SNX29: variants seen among roughly 807,000 people sequenced by gnomAD.
The protein encoded by SNX29 is sorting nexin-29.
In SNX29, 78 loss-of-function variants were observed where a neutral mutation model predicts 102.1. The observed-to-expected ratio is 0.76, with a 90% CI of 0.64 to 0.92. The LOEUF is 0.92. Ranked by LOEUF, SNX29 falls within the 40% of genes least tolerant of loss-of-function variation. SNX29 has a pLI of 0.00. For missense variants in SNX29, 1,280 were observed against 1,061.7 expected (o/e 1.21, Z -2.86); for synonymous variants, 580 against 414.5 (o/e 1.40, Z -4.85).
At chr16:12,318,380 G>A (rs2080822286) in intron 15 of SNX29, among the ~76,000 whole-genome samples, 1 of 152,204 alleles carries the variant, frequency 6.6e-6, no homozygotes. Context: ...TCGTTTGCCG[G>A]ATGGGAACCA....
At chr16:11,984,002 T>A (rs1319391288) in intron 1 of SNX29, among the ~76,000 whole-genome samples, 1 of 152,190 alleles carries the variant, frequency 6.6e-6, no homozygotes, top group Non-Finnish European at 1.5e-5. Context: ...TATTACTTTT[T>A]CATGGAGGGG....
intron 14 of SNX29, among the ~76,000 whole-genome samples, chr16:12,234,381 A>G (rs886700052): frequency 7.2e-5 from 11 of 151,974 alleles, no homozygotes; most frequent in African/African-American, 2.7e-4. Context: ...GTCTTTTCAA[A>G]TCTTCTGTCC....
chr16:12,014,756 GA>G (rs1465290167), intron 3 of SNX29, among the ~76,000 whole-genome samples: 1 of 143,842 alleles, frequency 7.0e-6, no homozygotes, highest in Admixed American at 6.9e-5. Flanking sequence ...AAAAAGAAAA[GA>G]AAAAGAAAAT....
Position 12,043,087 on chromosome 16 carries a change from C to T in SNX29, c.428+10C>T, listed in dbSNP as rs373070737. 17 of 1,612,454 alleles carry T rather than the reference C, an allele frequency of 1.1e-5. No individual in the cohort carries two copies. The highest frequency in any genetic ancestry group is 5.3e-5 in the African/African-American group (4 of 74,884). On this transcript the variant is annotated intron_variant, in intron 5 of 20. Transcript: ENST00000566228. Reference sequence around the variant, plus strand: ...ACCGCTGCAGGCTGAGGTACGTGGCCGGGATGCGAACTGGGATGGGATGGA... The same window carrying T: ...ACCGCTGCAGGCTGAGGTACGTGGCTGGGATGCGAACTGGGATGGGATGGA...
intron 19 of SNX29, among the ~76,000 whole-genome samples, chr16:12,521,234 C>T (rs1316901765): frequency 6.6e-6 from 1 of 152,062 alleles, no homozygotes; most frequent in African/African-American, 2.4e-5. Context: ...CCAGAAATCA[C>T]CTGTACCCGC....
At chr16:12,043,530 A>T (rs1429163285) in intron 5 of SNX29, among the ~76,000 whole-genome samples, 1 of 151,730 alleles carries the variant, frequency 6.6e-6, no homozygotes, top group East Asian at 1.9e-4. Context: ...AATTTAAAAA[A>T]TTTTTTTGTA....
chr16:12,567,721 G>A (rs12928426), intron 20 of SNX29, among the ~76,000 whole-genome samples: 41,998 of 151,996 alleles, frequency 0.28, 6,182 homozygotes, highest in East Asian at 0.43. Context: ...ATCATTACAC[G>A]ATTGCACTGT....
At chr16:12,124,757 C>A (rs1417141827) in intron 11 of SNX29, among the ~76,000 whole-genome samples, 1 of 152,154 alleles carries the variant, frequency 6.6e-6, no homozygotes, top group African/African-American at 2.4e-5. Context: ...TATCTTAGAT[C>A]AGTTTCCATT....
chr16:12,566,236 T>C lies in SNX29; in HGVS notation c.2319-2270T>C, dbSNP rs116578551. ...TATGCTTATGGTTGTCATCCCCAAA[T>C]GACAGACAAGGAAACCAAGGGTCAG... On this transcript the variant is annotated intron_variant, in intron 20 of 20. Transcript: ENST00000566228. Among the ~76,000 whole-genome samples the C allele has an allele frequency of 3.8e-3, 578 of 152,254 alleles. 2 individuals are homozygous for C. The highest frequency in any genetic ancestry group is 0.012 in the African/African-American group (511 of 41,544).
chr16:12,465,863 C>T (rs1229856400), intron 18 of SNX29, among the ~76,000 whole-genome samples: 2 of 150,672 alleles, frequency 1.3e-5, no homozygotes, highest in African/African-American at 4.9e-5. Flanking sequence ...TTTATTTCAT[C>T]AATGTCTGAT....
intron 3 of SNX29, among the ~76,000 whole-genome samples, chr16:12,018,433 A>T (rs76585929): frequency 6.6e-6 from 1 of 150,662 alleles, no homozygotes; most frequent in South Asian, 2.1e-4. Flanking sequence ...AAAAAAAAAA[A>T]TCAGCCGGGC....
chr16:12,384,206 T>C (rs1004328259), intron 16 of SNX29, among the ~76,000 whole-genome samples: 3 of 149,578 alleles, frequency 2.0e-5, no homozygotes, highest in South Asian at 4.2e-4. Flanking sequence ...CTCTTCAATA[T>C]ACTGATTTTC....
chr16:12,229,896 G>A (rs1396424972), intron 14 of SNX29, among the ~76,000 whole-genome samples: 1 of 152,136 alleles, frequency 6.6e-6, no homozygotes, highest in Non-Finnish European at 1.5e-5. Context: ...CAGAGGAACT[G>A]CTTTCATTCT....
At chr16:12,305,344 G>A (rs1596834067) in intron 15 of SNX29, among the ~76,000 whole-genome samples, 1 of 152,370 alleles carries the variant, frequency 6.6e-6, no homozygotes, top group East Asian at 1.9e-4. Context: ...GACTGGAGCA[G>A]GGCAAGGCTA....
At chr16:12,052,344 G>A (rs1328431733) in intron 8 of SNX29, 122 bp downstream of exon 8, 1 of 1,129,116 alleles carries the variant, frequency 8.9e-7, no homozygotes, top group Non-Finnish European at 1.3e-6. Context: ...AGCCTCCCGA[G>A]TAGCTGGGAT....
At chr16:12,481,545 CA>C (rs1567608680) in intron 19 of SNX29, among the ~76,000 whole-genome samples, 1,698 of 131,990 alleles carry the variant, frequency 0.013, 40 homozygotes, top group African/African-American at 0.041. Flanking sequence ...CACACACACA[CA>C]CACACACACC....
intron 13 of SNX29, among the ~76,000 whole-genome samples, chr16:12,156,890 C>T (rs1458436220): frequency 6.6e-6 from 1 of 151,956 alleles, no homozygotes; most frequent in Non-Finnish European, 1.5e-5. Context: ...GACCAAGGAC[C>T]AGGGGGCATT....
chr16:12,127,686 T>C (rs1446901988), intron 12 of SNX29, among the ~76,000 whole-genome samples: 1 of 152,182 alleles, frequency 6.6e-6, no homozygotes, highest in Non-Finnish European at 1.5e-5. Context: ...CCTCCCAAAG[T>C]GCTAAGATTA....
intron 15 of SNX29, among the ~76,000 whole-genome samples, chr16:12,326,209 G>C (rs1487460186): frequency 6.6e-6 from 1 of 151,680 alleles, no homozygotes; most frequent in Non-Finnish European, 1.5e-5. Context: ...ATGGGGTTTC[G>C]CCATGTTGGC....
Sources: gnomAD v4.1 joint callset for allele counts (sites outside exome capture counted in the v4.1 genomes callset) on GRCh38, gnomAD v4.1.1 for gene constraint, MANE v1.5 for transcripts, NCBI Gene and HGNC (gene_info 2026-07-23, HGNC 2026-07-21) for gene names.